The following ZBTB46 variants were observed in gnomAD, a reference collection of about 807,000 sequenced individuals.
The protein encoded by ZBTB46 is zinc finger and BTB domain containing 46.
In ZBTB46, 8 loss-of-function variants were observed where a neutral mutation model predicts 44.1. That is an observed-to-expected ratio of 0.18 (90% confidence interval 0.11 to 0.33). The LOEUF (loss-of-function observed/expected upper bound fraction) is 0.33. Among genes scored for constraint, ZBTB46 ranks in the 10% least tolerant of loss-of-function variants. The pLI, the probability that ZBTB46 is intolerant of heterozygous loss-of-function variation, is 1.00. For synonymous variants in ZBTB46, 409 were observed against 382.3 expected (o/e 1.07, Z -0.81); for missense variants, 651 against 847.7 (o/e 0.77, Z 2.88).
chr20:63,817,411 AAAAAAT>A (rs1053579035), intron 1 of ZBTB46, among the ~76,000 whole-genome samples: 1 of 151,618 alleles, frequency 6.6e-6, no homozygotes, highest in Non-Finnish European at 1.5e-5. Context: ...TCTCAAGAAA[AAAAAAT>A]AGAAAAAGAA....
intron 2 of ZBTB46, among the ~76,000 whole-genome samples, chr20:63,781,303 AAGG>A (rs1271105943): frequency 6.6e-6 from 1 of 152,212 alleles, no homozygotes; most frequent in East Asian, 1.9e-4. Context: ...ACACTTCCCC[AAGG>A]AAGAGACCCA....
chr20:63,830,200 A>G lies in ZBTB46; in HGVS notation c.-34+897T>C, dbSNP rs947811551. ...TGTGTGTGCTTCGTTAAACCTACAA[A>G]CAGTGAATCTGTCAGCGGGGCCAGG... On this transcript the variant is annotated intron_variant, in intron 1 of 4. Transcript: ENST00000245663. Among the ~76,000 whole-genome samples the G allele has an allele frequency of 1.3e-5, 2 of 152,170 alleles. 1 individual carries two copies. The highest frequency in any genetic ancestry group is 1.3e-4 in the Admixed American group (2 of 15,280).
intron 1 of ZBTB46, among the ~76,000 whole-genome samples, chr20:63,804,982 A>G (rs1001964635): frequency 1.4e-5 from 2 of 145,520 alleles, no homozygotes; most frequent in Non-Finnish European, 3.0e-5. Flanking sequence ...GTGCAGTGAC[A>G]CGATCTCAGC....
At chr20:63,785,982 G>C (rs1601465462) in intron 2 of ZBTB46, among the ~76,000 whole-genome samples, 1 of 152,216 alleles carries the variant, frequency 6.6e-6, no homozygotes, top group Non-Finnish European at 1.5e-5. Flanking sequence ...GGCTTAAGGA[G>C]TGCACTATTT....
chr20:63,774,967 T>A (rs1601439580), intron 3 of ZBTB46, among the ~76,000 whole-genome samples: 1 of 152,072 alleles, frequency 6.6e-6, no homozygotes, highest in Non-Finnish European at 1.5e-5. Flanking sequence ...CCTCCCAAAG[T>A]GCTGGGATTG....
chr20:63,772,456 C>A (rs965432647), intron 3 of ZBTB46, among the ~76,000 whole-genome samples: 4 of 152,224 alleles, frequency 2.6e-5, no homozygotes, highest in African/African-American at 9.6e-5. Flanking sequence ...GGATGGCTCA[C>A]GCCTATAAAC....
chr20:63,810,792 G>A (rs2092713270), intron 1 of ZBTB46, among the ~76,000 whole-genome samples: 1 of 152,164 alleles, frequency 6.6e-6, no homozygotes, highest in Non-Finnish European at 1.5e-5. Flanking sequence ...GCGAGAACGT[G>A]CCCACCAGCA....
At chr20:63,786,897 G>T (rs554222973) in intron 2 of ZBTB46, among the ~76,000 whole-genome samples, 2 of 152,070 alleles carry the variant, frequency 1.3e-5, no homozygotes, top group African/African-American at 2.4e-5. Flanking sequence ...CTCATGCCTC[G>T]GCCTCCCAAA....
At chr20:63,814,451 G>A (rs766890201) in intron 1 of ZBTB46, among the ~76,000 whole-genome samples, 1 of 152,150 alleles carries the variant, frequency 6.6e-6, no homozygotes, top group East Asian at 1.9e-4. Flanking sequence ...TACAAAACTG[G>A]GAAAATATAC....
intron 1 of ZBTB46, among the ~76,000 whole-genome samples, chr20:63,807,494 G>A (rs1054067925): frequency 6.6e-6 from 1 of 152,080 alleles, no homozygotes; most frequent in Non-Finnish European, 1.5e-5. Context: ...ACAGGCGCAC[G>A]CCAGCATACC....
At chr20:63,774,531 C>T (rs2092404092) in intron 3 of ZBTB46, among the ~76,000 whole-genome samples, 1 of 152,014 alleles carries the variant, frequency 6.6e-6, no homozygotes, top group Non-Finnish European at 1.5e-5. Flanking sequence ...ATGCCGGACT[C>T]GCTCCCTCCT....
At chr20:63,814,233 A>C (rs77448240) in intron 1 of ZBTB46, among the ~76,000 whole-genome samples, 136 of 98,560 alleles carry the variant, frequency 1.4e-3, no homozygotes, top group African/African-American at 5.1e-3. Flanking sequence ...ACTCCGTCTC[A>C]AAAAAAAAAA....
Position 63,767,614 on chromosome 20 carries a change from T to G in ZBTB46, c.1222+8064A>C, listed in dbSNP as rs11907294. 0.023 allele frequency among the ~76,000 whole-genome samples: 3,457 copies of G among 152,176 alleles called. 115 individuals carry two copies. Among genetic ancestry groups the G allele is most frequent in the African/African-American group, 0.079 (3,259 of 41,506 alleles). ...CAAAGCTCTGGCCGCAGCACTGAGG[T>G]CAAAGCAAACGCCGGCTCCAGCGCA... On this transcript the variant is annotated intron_variant, in intron 3 of 4. Coordinates refer to ENST00000245663, the MANE Select transcript of ZBTB46 (RefSeq NM_001369741.1). This position sits in a 1 kb window ranked among gnomAD's most constrained non-coding sequence, Gnocchi z 5.0.
At chr20:63,830,982 G>T (rs1322198655) in intron 1 of ZBTB46, 115 bp downstream of exon 1, 1 of 142,842 alleles carries the variant, frequency 7.0e-6, no homozygotes, top group East Asian at 2.1e-4. Flanking sequence ...GGCGGCCGGC[G>T]GCGGGGGCGC....
intron 1 of ZBTB46, among the ~76,000 whole-genome samples, chr20:63,817,128 A>G (rs1395589356): frequency 2.1e-5 from 3 of 143,470 alleles, no homozygotes; most frequent in African/African-American, 5.3e-5. Flanking sequence ...AAAAGAAAAG[A>G]AAAGGAAAGG....
At chr20:63,750,994 A>G (rs1197805884) in intron 4 of ZBTB46, among the ~76,000 whole-genome samples, 1 of 152,202 alleles carries the variant, frequency 6.6e-6, no homozygotes, top group Non-Finnish European at 1.5e-5. Flanking sequence ...ACGTTTACTG[A>G]GAGGTTAATA....
At chr20:63,786,836 G>C (rs1172459127) in intron 2 of ZBTB46, among the ~76,000 whole-genome samples, 2 of 152,084 alleles carry the variant, frequency 1.3e-5, no homozygotes, top group African/African-American at 4.8e-5. Flanking sequence ...TTAGAAATGG[G>C]ATTTCACTAC....
chr20:63,747,800 C>A (rs970570595), intron 4 of ZBTB46, among the ~76,000 whole-genome samples: 2 of 152,122 alleles, frequency 1.3e-5, no homozygotes, highest in Non-Finnish European at 2.9e-5. Context: ...CCAGTCTCAG[C>A]GTCTACACTG....
intron 1 of ZBTB46, among the ~76,000 whole-genome samples, chr20:63,819,265 G>A (rs2092777812): frequency 6.6e-6 from 1 of 152,190 alleles, no homozygotes; most frequent in African/African-American, 2.4e-5. Context: ...AGTACAAAAT[G>A]AGGTTGTTAT....
Sources: allele counts gnomAD v4.1 joint callset (sites outside exome capture counted in the v4.1 genomes callset), GRCh38; gene constraint gnomAD v4.1.1; non-coding constraint Gnocchi (gnomAD v3.1); transcripts MANE v1.5; gene names NCBI Gene and HGNC (gene_info 2026-07-23, HGNC 2026-07-21).